Variants in PTPRD observed in about 807,000 individuals in gnomAD.
The protein encoded by PTPRD is protein tyrosine phosphatase receptor type D.
Under a neutral mutation model 214.5 loss-of-function variants are expected in PTPRD, and 34 were observed. The observed-to-expected ratio is 0.16, with a 90% CI of 0.12 to 0.21. PTPRD has a LOEUF of 0.21. Ranked by LOEUF, PTPRD falls within the 10% of genes least tolerant of loss-of-function variation. The pLI is 1.00. For missense variants in PTPRD, 2,545 were observed against 2,398.7 expected (o/e 1.06, Z -1.27); for synonymous variants, 1,128 against 845.7 (o/e 1.33, Z -5.79).
At chr9:9,957,777 T>C (rs955157921) in intron 4 of PTPRD, among the ~76,000 whole-genome samples, 1 of 152,126 alleles carries the variant, frequency 6.6e-6, no homozygotes, top group Non-Finnish European at 1.5e-5. Flanking sequence ...ACAACCTGAC[T>C]TCAAGACTTA....
chr9:9,650,408 C>T (rs2154372276), intron 7 of PTPRD, among the ~76,000 whole-genome samples: 1 of 152,190 alleles, frequency 6.6e-6, no homozygotes. Flanking sequence ...ACCTTGTTTC[C>T]CTACTTGATT....
chr9:9,605,524 A>C (rs569545160), intron 7 of PTPRD, among the ~76,000 whole-genome samples: 5 of 152,088 alleles, frequency 3.3e-5, no homozygotes, highest in Admixed American at 6.6e-5. Flanking sequence ...CCCCACAACA[A>C]AAGTTTTCTA....
At chr9:10,586,029 T>C (rs1567073177) in intron 2 of PTPRD, among the ~76,000 whole-genome samples, 1 of 152,056 alleles carries the variant, frequency 6.6e-6, no homozygotes, top group Non-Finnish European at 1.5e-5. Flanking sequence ...GAGAAATTCA[T>C]ACTTAATATA....
chr9:8,786,250 C>A (rs182038917), intron 11 of PTPRD, among the ~76,000 whole-genome samples: 4 of 152,146 alleles, frequency 2.6e-5, no homozygotes, highest in South Asian at 4.2e-4. Flanking sequence ...TTTTGTTAAA[C>A]AGTCAACACT....
chr9:10,353,782 A>C (rs1265510324), intron 2 of PTPRD, among the ~76,000 whole-genome samples: 3 of 151,906 alleles, frequency 2.0e-5, no homozygotes, highest in African/African-American at 4.8e-5. Context: ...CTCATGTCCA[A>C]AAAAAAGGCG....
chr9:10,541,260 T>C (rs1362696125), intron 2 of PTPRD, among the ~76,000 whole-genome samples: 2 of 152,134 alleles, frequency 1.3e-5, no homozygotes, highest in Non-Finnish European at 2.9e-5. Context: ...ATTAAAGATA[T>C]AATGAGAGAA....
At chr9:9,985,328 T>C (rs1652897493) in intron 4 of PTPRD, among the ~76,000 whole-genome samples, 1 of 152,194 alleles carries the variant, frequency 6.6e-6, no homozygotes, top group African/African-American at 2.4e-5. Flanking sequence ...TTTTTGTATT[T>C]GCAATCCTTA....
intron 11 of PTPRD, among the ~76,000 whole-genome samples, chr9:8,950,406 G>A (rs1358988775): frequency 6.6e-6 from 1 of 151,712 alleles, no homozygotes; most frequent in African/African-American, 2.4e-5. Context: ...AAGGGTATGT[G>A]AGTCCAGTTG....
chr9:9,008,797 C>G (rs1233546383), intron 11 of PTPRD, among the ~76,000 whole-genome samples: 3 of 152,116 alleles, frequency 2.0e-5, no homozygotes, highest in Admixed American at 2.0e-4. Context: ...TACTCTGTTA[C>G]TATAACTATT....
intron 14 of PTPRD, among the ~76,000 whole-genome samples, chr9:8,587,070 A>G (rs544135394): frequency 1.3e-5 from 2 of 152,164 alleles, no homozygotes; most frequent in Non-Finnish European, 2.9e-5. Context: ...GAATGGTGTG[A>G]GTCCAGGAGG....
At chr9:9,667,185 T>A (rs997161188) in intron 7 of PTPRD, among the ~76,000 whole-genome samples, 1 of 152,046 alleles carries the variant, frequency 6.6e-6, no homozygotes, top group Admixed American at 6.6e-5. Flanking sequence ...CAACCAACTT[T>A]CATCCTGTTT....
chr9:10,209,957 A>G (rs183414471), intron 3 of PTPRD, among the ~76,000 whole-genome samples: 1 of 152,290 alleles, frequency 6.6e-6, no homozygotes, highest in Admixed American at 6.5e-5. Flanking sequence ...CAATGTAACA[A>G]TCAGTACCAA....
At chr9:9,385,249 T>C (rs573588488) in intron 9 of PTPRD, among the ~76,000 whole-genome samples, 252 of 152,320 alleles carry the variant, frequency 1.7e-3, no homozygotes, top group Non-Finnish European at 1.9e-3. Flanking sequence ...TCAAGCACTA[T>C]GAAGACAGCC....
chr9:9,133,837 C>CA (rs2099846575), intron 10 of PTPRD, among the ~76,000 whole-genome samples: 3 of 152,082 alleles, frequency 2.0e-5, no homozygotes, highest in Non-Finnish European at 2.9e-5. Context: ...GCTCCCACTT[C>CA]CTCGTAAGGG....
chr9:9,177,494 A>G (rs976500344), intron 10 of PTPRD, among the ~76,000 whole-genome samples: 2 of 152,174 alleles, frequency 1.3e-5, no homozygotes, highest in African/African-American at 4.8e-5. Context: ...TCATTAATAT[A>G]TTGCATAATT....
intron 2 of PTPRD, among the ~76,000 whole-genome samples, chr9:10,371,513 C>T (rs2097618443): frequency 6.6e-6 from 1 of 152,000 alleles, no homozygotes; most frequent in South Asian, 2.1e-4. Context: ...CTGCTCCAAA[C>T]TGAACAAGTT....
chr9:8,587,168 C>A (rs1234836751), intron 14 of PTPRD, among the ~76,000 whole-genome samples: 1 of 151,990 alleles, frequency 6.6e-6, no homozygotes, highest in Non-Finnish European at 1.5e-5. Context: ...AACAAACGAA[C>A]ACAAAAAGAA....
chr9:9,509,205 C>T (rs2154241448), intron 8 of PTPRD, among the ~76,000 whole-genome samples: 1 of 151,590 alleles, frequency 6.6e-6, no homozygotes, highest in Non-Finnish European at 1.5e-5. Context: ...GTAAAATACA[C>T]ATATATCTAA....
At chr9:8,541,414 T>C (rs541354641) in intron 14 of PTPRD, among the ~76,000 whole-genome samples, 3 of 152,134 alleles carry the variant, frequency 2.0e-5, no homozygotes, top group Non-Finnish European at 2.9e-5. Context: ...TTATTTTTCA[T>C]AGAGATGGGT....
Sources: gnomAD v4.1 joint callset for allele counts (sites outside exome capture counted in the v4.1 genomes callset) on GRCh38, gnomAD v4.1.1 for gene constraint, MANE v1.5 for transcripts, NCBI Gene and HGNC (gene_info 2026-07-23, HGNC 2026-07-21) for gene names.